The following WDR27 variants were observed in gnomAD, a reference collection of about 807,000 sequenced individuals.
WDR27 encodes WD repeat-containing protein 27.
In WDR27, 100 loss-of-function variants were observed where a neutral mutation model predicts 114.4. The ratio of observed to expected loss-of-function variants is 0.87; its 90% CI spans 0.74 to 1.03. The LOEUF (loss-of-function observed/expected upper bound fraction) is 1.03. WDR27 is among the 50% of genes least tolerant of loss of function. The pLI is 0.00. For synonymous variants in WDR27, 449 were observed against 423.1 expected, an observed-to-expected ratio of 1.06 and a Z score of -0.75; for missense variants, 1,129 against 1,092.9, an observed-to-expected ratio of 1.03 and a Z score of -0.47.
intron 2 of WDR27, among the ~76,000 whole-genome samples, chr6:169,679,802 T>C (rs1781036273): frequency 6.6e-6 from 1 of 152,232 alleles, no homozygotes; most frequent in African/African-American, 2.4e-5. Flanking sequence ...GGTATTTCTT[T>C]ATAGCAATAC....
chr6:169,450,795 AG>A, the WDR27 span, among the ~76,000 whole-genome samples: 1 of 152,160 alleles, frequency 6.6e-6, no homozygotes, highest in Non-Finnish European at 1.5e-5. Flanking sequence ...TGTCTCTGCT[AG>A]GATCAGCGGT....
the WDR27 span, among the ~76,000 whole-genome samples, chr6:169,431,005 G>T: frequency 6.6e-6 from 1 of 152,136 alleles, no homozygotes; most frequent in Non-Finnish European, 1.5e-5. Context: ...CTTGCCCAGG[G>T]ATTCTGTCTG....
intron 14 of WDR27, among the ~76,000 whole-genome samples, chr6:169,649,967 G>A (rs1821860535): frequency 9.9e-6 from 1 of 100,956 alleles, no homozygotes; most frequent in Admixed American, 1.1e-4. Flanking sequence ...CACCATCCAT[G>A]CACCCATGCA....
intron 22 of WDR27, among the ~76,000 whole-genome samples, chr6:169,611,400 A>C (rs1051667681): frequency 6.9e-6 from 1 of 144,760 alleles, no homozygotes. Context: ...CTGCCTCCTG[A>C]GTTCAAGTGA....
chr6:169,626,384 G>A (rs1562737129), intron 21 of WDR27, among the ~76,000 whole-genome samples: 1 of 152,166 alleles, frequency 6.6e-6, no homozygotes, highest in Non-Finnish European at 1.5e-5. Context: ...TGCCTGTGGG[G>A]CTAGGTGCAG....
chr6:169,443,275 G>C, the WDR27 span, among the ~76,000 whole-genome samples: 1 of 152,138 alleles, frequency 6.6e-6, no homozygotes, highest in East Asian at 1.9e-4. Context: ...CCCAGGCTGG[G>C]TACTTGGAAC....
chr6:169,482,690 A>G (rs1788345135), intron 25 of WDR27, among the ~76,000 whole-genome samples: 1 of 152,204 alleles, frequency 6.6e-6, no homozygotes. Flanking sequence ...CGGACCTGAT[A>G]AGATATCTAC....
chr6:169,632,803 G>A, intron 21 of WDR27, 144 bp downstream of exon 21: 1 of 778,550 alleles, frequency 1.3e-6, no homozygotes, highest in Non-Finnish European at 1.8e-6. Context: ...AAACATCAAG[G>A]CTTCGAATAA....
At chr6:169,499,301 A>G (rs1466194136) in intron 25 of WDR27, among the ~76,000 whole-genome samples, 2 of 152,210 alleles carry the variant, frequency 1.3e-5, no homozygotes, top group African/African-American at 2.4e-5. Flanking sequence ...GCTGTTCCCA[A>G]TGCACACTGC....
intron 25 of WDR27, among the ~76,000 whole-genome samples, chr6:169,480,472 G>A (rs1404063524): frequency 6.6e-6 from 1 of 152,264 alleles, no homozygotes; most frequent in African/African-American, 2.4e-5. Flanking sequence ...AGGCCCCAGA[G>A]CGGGATCCAC....
At chr6:169,461,303 C>G (rs12110408) in intron 25 of WDR27, among the ~76,000 whole-genome samples, 1,783 of 152,186 alleles carry the variant, frequency 0.012, 39 homozygotes, top group African/African-American at 0.041. Flanking sequence ...CAAACAAGAA[C>G]AGCATACATC....
chr6:169,689,898 T>C (rs1481440912), intron 1 of WDR27, among the ~76,000 whole-genome samples: 1 of 152,180 alleles, frequency 6.6e-6, no homozygotes, highest in African/African-American at 2.4e-5. Flanking sequence ...ATTCAGAGGA[T>C]CCACCCATGT....
chr6:169,574,360 G>T (rs755187666), intron 24 of WDR27, among the ~76,000 whole-genome samples: 1 of 152,114 alleles, frequency 6.6e-6, no homozygotes, highest in Admixed American at 6.5e-5. Context: ...TTTTTTAAGC[G>T]TATCTAGAAA....
intron 25 of WDR27, among the ~76,000 whole-genome samples, chr6:169,463,653 T>C (rs1785187421): frequency 6.6e-6 from 1 of 152,110 alleles, no homozygotes; most frequent in Admixed American, 6.5e-5. Context: ...CACATTCCAC[T>C]CACAAAAAGC....
chr6:169,469,703 A>C (rs991956236), intron 25 of WDR27, among the ~76,000 whole-genome samples: 1 of 151,966 alleles, frequency 6.6e-6, no homozygotes, highest in Non-Finnish European at 1.5e-5. Context: ...AAAGAGCCCT[A>C]CAGTTCTGTT....
At chr6:169,464,623 AC>A in intron 25 of WDR27, among the ~76,000 whole-genome samples, 1 of 152,342 alleles carries the variant, frequency 6.6e-6, no homozygotes, top group Middle Eastern at 3.4e-3. Context: ...CAAATCATCT[AC>A]CTGACAAGAA....
intron 21 of WDR27, among the ~76,000 whole-genome samples, chr6:169,630,666 C>T (rs557525944): frequency 9.2e-5 from 14 of 152,170 alleles, no homozygotes; most frequent in Non-Finnish European, 2.1e-4. Flanking sequence ...GAGGCCGAGG[C>T]GGGCGGATCA....
At chr6:169,636,183 G>A (rs1021811119) in intron 19 of WDR27, among the ~76,000 whole-genome samples, 188 bp downstream of exon 19, 7 of 152,132 alleles carry the variant, frequency 4.6e-5, no homozygotes, top group African/African-American at 7.2e-5. Flanking sequence ...AAGGCCCCGC[G>A]CATAGTAATA....
intron 9 of WDR27, 33 bp downstream of exon 9, chr6:169,662,271 T>C (rs1826360411): frequency 6.2e-7 from 1 of 1,605,384 alleles, no homozygotes; most frequent in Admixed American, 1.7e-5. Context: ...GAGGTTTCCT[T>C]TATGTGGCAT....
Sources: allele counts gnomAD v4.1 joint callset (sites outside exome capture counted in the v4.1 genomes callset), GRCh38; gene constraint gnomAD v4.1.1; transcripts MANE v1.5; gene names NCBI Gene and HGNC (gene_info 2026-07-23, HGNC 2026-07-21).